The following STK3 variants were observed in gnomAD, a reference collection of about 807,000 sequenced individuals.
STK3 encodes the protein serine/threonine-protein kinase 3.
Under a neutral mutation model 58.0 loss-of-function variants are expected in STK3, and 41 were observed. The observed-to-expected ratio is 0.71, with a 90% CI of 0.55 to 0.92. STK3 has a LOEUF of 0.92. STK3 is among the 40% of genes least tolerant of loss of function. The probability of loss-of-function intolerance (pLI) is 0.00; values close to 1 mark genes in which losing one functional copy is unlikely to be tolerated. For synonymous variants in STK3, 170 were observed against 191.0 expected, an observed-to-expected ratio of 0.89 and a Z score of 0.91; for missense variants, 479 against 602.7, an observed-to-expected ratio of 0.79 and a Z score of 2.15.
intron 6 of STK3, among the ~76,000 whole-genome samples, chr8:98,655,951 A>T (rs1302063423): frequency 1.3e-5 from 2 of 152,238 alleles, no homozygotes; most frequent in Non-Finnish European, 2.9e-5. Context: ...ATCTAGAACT[A>T]GAAATACCAT....
At chr8:98,493,198 T>C (rs1324802910) in intron 10 of STK3, among the ~76,000 whole-genome samples, 2 of 145,252 alleles carry the variant, frequency 1.4e-5, no homozygotes, top group African/African-American at 5.2e-5. Flanking sequence ...TGCCACTGCA[T>C]TTCCATCCTG....
At chr8:98,406,978 A>G (rs951331764) in intron 3 of STK3, among the ~76,000 whole-genome samples, 1 of 152,220 alleles carries the variant, frequency 6.6e-6, no homozygotes, top group African/African-American at 2.4e-5. Context: ...GTTATGAACC[A>G]GTGCCTCCAG....
intron 6 of STK3, among the ~76,000 whole-genome samples, chr8:98,630,791 GGAA>G (rs1370825971): frequency 6.8e-6 from 1 of 146,462 alleles, no homozygotes; most frequent in East Asian, 2.0e-4. Flanking sequence ...AAGAGGAAGA[GGAA>G]GAAGAGGAAG....
the STK3 span, among the ~76,000 whole-genome samples, chr8:98,352,174 A>T: frequency 2.4e-4 from 36 of 151,258 alleles, no homozygotes; most frequent in Middle Eastern, 3.4e-3. Flanking sequence ...TGGAGTTCTG[A>T]CAAAAGGCCT....
At chr8:98,475,590 GTC>G (rs1821246211) in intron 10 of STK3, among the ~76,000 whole-genome samples, 1 of 152,012 alleles carries the variant, frequency 6.6e-6, no homozygotes, top group Non-Finnish European at 1.5e-5. Flanking sequence ...CAAAAATGAG[GTC>G]TGACCTGAAA....
At chr8:98,925,455 CTG>C (rs1839752969) in intron 1 of STK3, among the ~76,000 whole-genome samples, 1 of 152,226 alleles carries the variant, frequency 6.6e-6, no homozygotes, top group Non-Finnish European at 1.5e-5. Flanking sequence ...TGGAGAGAAA[CTG>C]TTTTCTGTAC....
chr8:98,503,039 T>C (rs968086095), intron 10 of STK3, among the ~76,000 whole-genome samples: 3 of 152,156 alleles, frequency 2.0e-5, no homozygotes, highest in African/African-American at 7.2e-5. Context: ...GTCCTGGACT[T>C]TTTTTGGTTG....
At chr8:98,776,789 C>G (rs1587590421) in intron 1 of STK3, among the ~76,000 whole-genome samples, 1 of 151,602 alleles carries the variant, frequency 6.6e-6, no homozygotes, top group African/African-American at 2.4e-5. Context: ...CGGTGGCTCA[C>G]GCCTGTAATC....
chr8:98,766,617 T>C (rs962842634), intron 3 of STK3, among the ~76,000 whole-genome samples: 11 of 152,098 alleles, frequency 7.2e-5, no homozygotes, highest in Non-Finnish European at 8.8e-5. Context: ...GGTCTCACTA[T>C]GTTGCTCAGA....
At position 98,805,395 on chromosome 8, in the gene STK3, T is replaced by G. The variant is rs187114117; in HGVS notation, c.26+20120A>C. On this transcript the variant is annotated intron_variant, in intron 1 of 10. Transcript: ENST00000419617. The stretch of plus-strand genomic sequence containing the variant: ...AGGAGTTCCAGCCTGGCCAAAATGG[T>G]GAAACCCCGTCTCCACTAAAAATAC... Among the ~76,000 whole-genome samples the G allele has an allele frequency of 8.6e-3, 1,305 of 152,074 alleles. 10 individuals are homozygous for G. The highest frequency in any genetic ancestry group is 0.03 in the African/African-American group (1,229 of 41,474).
chr8:98,463,008 T>G (rs1820127850), intron 10 of STK3: 1 of 152,240 alleles, frequency 6.6e-6, no homozygotes, highest in South Asian at 2.1e-4. Flanking sequence ...TAATCTTCAC[T>G]GTATCATTCC....
intron 3 of STK3, among the ~76,000 whole-genome samples, chr8:98,849,010 A>T (rs980295181): frequency 1.3e-5 from 2 of 152,114 alleles, no homozygotes; most frequent in Non-Finnish European, 2.9e-5. Flanking sequence ...GCAGATCACG[A>T]GGTCAGGAGT....
intron 10 of STK3, among the ~76,000 whole-genome samples, chr8:98,518,901 C>A (rs1374511701): frequency 6.6e-6 from 1 of 152,092 alleles, no homozygotes; most frequent in Non-Finnish European, 1.5e-5. Flanking sequence ...GCCACATGTA[C>A]ACCTGTAATC....
intron 8 of STK3, among the ~76,000 whole-genome samples, chr8:98,554,426 T>C (rs1757175421): frequency 1.3e-5 from 2 of 152,100 alleles, no homozygotes; most frequent in South Asian, 2.1e-4. Flanking sequence ...TATAAAATAG[T>C]CCTTAGCCTC....
At chr8:98,608,453 C>T (rs1006968696) in intron 6 of STK3, among the ~76,000 whole-genome samples, 3 of 152,146 alleles carry the variant, frequency 2.0e-5, no homozygotes, top group Admixed American at 6.5e-5. Flanking sequence ...TGCATGTTCA[C>T]CAGCAACAGT....
intron 10 of STK3, among the ~76,000 whole-genome samples, chr8:98,490,377 C>A (rs779015640): frequency 3.3e-5 from 5 of 152,148 alleles, no homozygotes; most frequent in Admixed American, 6.5e-5. Context: ...ATTTAAACTT[C>A]ATTTTCTTGT....
At chr8:98,345,534 C>T in the STK3 span, among the ~76,000 whole-genome samples, 4 of 151,736 alleles carry the variant, frequency 2.6e-5, no homozygotes, top group African/African-American at 9.7e-5. Flanking sequence ...TAGGGAAAGG[C>T]GGTCCAAAAA....
At chr8:98,601,372 C>G (rs551601788) in intron 6 of STK3, among the ~76,000 whole-genome samples, 20 of 152,242 alleles carry the variant, frequency 1.3e-4, no homozygotes, top group African/African-American at 4.6e-4. Context: ...TATAATATCC[C>G]TTTAATACAA....
chr8:98,805,402 C>G (rs1833834534), intron 1 of STK3, among the ~76,000 whole-genome samples: 1 of 152,078 alleles, frequency 6.6e-6, no homozygotes. Flanking sequence ...TGGTGAAACC[C>G]CGTCTCCACT....
Sources: allele counts gnomAD v4.1 joint callset (sites outside exome capture counted in the v4.1 genomes callset), GRCh38; gene constraint gnomAD v4.1.1; transcripts MANE v1.5; gene names NCBI Gene and HGNC (gene_info 2026-07-23, HGNC 2026-07-21).